DPF3: variants seen among roughly 807,000 people sequenced by gnomAD.
The protein encoded by DPF3 is double PHD fingers 3.
In DPF3, 18 loss-of-function variants were observed where a neutral mutation model predicts 56.8. The ratio of observed to expected loss-of-function variants is 0.32; its 90% CI spans 0.22 to 0.47. The LOEUF (loss-of-function observed/expected upper bound fraction) is 0.47, where lower values mean the gene tolerates loss of function less well. Ranked by LOEUF, DPF3 falls within the 20% of genes least tolerant of loss-of-function variation. The pLI, the probability that DPF3 is intolerant of heterozygous loss-of-function variation, is 1.00. For synonymous variants in DPF3, 188 were observed against 180.2 expected, an observed-to-expected ratio of 1.04 and a Z score of -0.35; for missense variants, 403 against 488.8, an observed-to-expected ratio of 0.82 and a Z score of 1.65.
intron 10 of DPF3, among the ~76,000 whole-genome samples, chr14:72,619,639 C>T (rs140030649): frequency 6.6e-4 from 100 of 152,314 alleles, no homozygotes; most frequent in Admixed American, 3.8e-3. Context: ...GAAGCTCACA[C>T]CTCCCGGTCA....
chr14:72,808,861 G>A (rs1429559640), intron 1 of DPF3, among the ~76,000 whole-genome samples: 1 of 152,192 alleles, frequency 6.6e-6, no homozygotes, highest in Non-Finnish European at 1.5e-5. Flanking sequence ...GAGTCTAGGA[G>A]CAATCCTACT....
chr14:72,657,406 T>TA (rs1886088724), intron 8 of DPF3, among the ~76,000 whole-genome samples: 1 of 152,322 alleles, frequency 6.6e-6, no homozygotes, highest in Admixed American at 6.5e-5. Context: ...ACACTTCTGG[T>TA]AAACATGGCA....
intron 1 of DPF3, among the ~76,000 whole-genome samples, chr14:72,819,954 T>A (rs1202164505): frequency 6.6e-6 from 1 of 152,046 alleles, no homozygotes; most frequent in Non-Finnish European, 1.5e-5. Flanking sequence ...AAACAAAAGG[T>A]AGATAGTGTA....
intron 3 of DPF3, among the ~76,000 whole-genome samples, chr14:72,746,492 C>T (rs1990438): frequency 0.75 from 113,557 of 152,136 alleles, 42,565 homozygotes; most frequent in Middle Eastern, 0.86. Flanking sequence ...GTGTTTTTAG[C>T]AGGCCTAGTA....
At chr14:72,773,268 G>C (rs1241523020) in intron 1 of DPF3, among the ~76,000 whole-genome samples, 1 of 151,888 alleles carries the variant, frequency 6.6e-6, no homozygotes, top group Non-Finnish European at 1.5e-5. Flanking sequence ...GAGTAGCTGG[G>C]ATTATAGGTA....
chr14:72,712,092 C>T (rs1029032422), intron 6 of DPF3, among the ~76,000 whole-genome samples: 2 of 152,028 alleles, frequency 1.3e-5, no homozygotes, highest in Admixed American at 6.5e-5. Context: ...CCTGCTCCAC[C>T]GAGAGAGGGA....
intron 1 of DPF3, among the ~76,000 whole-genome samples, chr14:72,849,071 G>T (rs1440807973): frequency 6.6e-6 from 1 of 152,190 alleles, no homozygotes; most frequent in East Asian, 1.9e-4. Context: ...TGCCCTAGCT[G>T]CATGGCTCGT....
intron 2 of DPF3, 98 bp downstream of exon 2, chr14:72,771,635 C>T: frequency 1.4e-6 from 2 of 1,478,768 alleles, no homozygotes; most frequent in Admixed American, 4.4e-5. Context: ...CCACCCCGAT[C>T]CTACCCAGGC....
intron 8 of DPF3, among the ~76,000 whole-genome samples, chr14:72,638,839 C>T (rs139080744): frequency 0.019 from 2,117 of 113,832 alleles, 56 homozygotes; most frequent in African/African-American, 0.061. Flanking sequence ...TTTTTTGAGA[C>T]GGAGTCTTGA....
At chr14:72,683,632 C>T (rs1219759611) in intron 7 of DPF3, among the ~76,000 whole-genome samples, 2 of 152,162 alleles carry the variant, frequency 1.3e-5, no homozygotes, top group Middle Eastern at 3.2e-3. Flanking sequence ...GCTCACTTGG[C>T]TCTGAACCCA....
At chr14:72,879,935 T>C (rs1740504261) in intron 1 of DPF3, 7 of 1,507,478 alleles carry the variant, frequency 4.6e-6, no homozygotes, top group African/African-American at 2.8e-5. Context: ...TTTCATAGGA[T>C]TCTTGAAAGG....
intron 1 of DPF3, among the ~76,000 whole-genome samples, chr14:72,864,122 C>A (rs1197715737): frequency 2.6e-5 from 4 of 152,010 alleles, no homozygotes; most frequent in Non-Finnish European, 5.9e-5. Context: ...TTGATCCCTC[C>A]CCTCCTTTGC....
intron 1 of DPF3, among the ~76,000 whole-genome samples, chr14:72,851,614 G>A (rs934779630): frequency 1.3e-5 from 2 of 152,108 alleles, no homozygotes; most frequent in East Asian, 3.8e-4. Flanking sequence ...GCTCCTACAC[G>A]GATAAAGCTT....
chr14:72,740,920 A>G (rs1344524078), intron 3 of DPF3, among the ~76,000 whole-genome samples: 2 of 152,156 alleles, frequency 1.3e-5, no homozygotes, highest in Non-Finnish European at 2.9e-5. Flanking sequence ...TATAAGACAG[A>G]GCTGGGCATG....
chr14:72,892,058 G>A (rs1156228838), intron 1 of DPF3: 4 of 1,445,278 alleles, frequency 2.8e-6, no homozygotes, highest in Non-Finnish European at 3.6e-6. Context: ...GAGCGAGTAG[G>A]GGAACACAAG....
chr14:72,619,279 A>T lies in DPF3; in HGVS notation c.*18T>A. ...TTTAGGATCTCCAGCAGCGAGTCAC[A>T]TTCTGTGACCTGGGGCCCTAGGCCT... On this transcript the variant is annotated 3_prime_UTR_variant, in exon 11 of 11. Transcript: ENST00000556509. 1 of 1,535,826 alleles carries T rather than the reference A, an allele frequency of 6.5e-7. No individual in the cohort carries two copies. The highest frequency in any genetic ancestry group is 8.7e-7 in the Non-Finnish European group (1 of 1,146,730).
intron 5 of DPF3, among the ~76,000 whole-genome samples, chr14:72,717,760 G>A (rs1376296418): frequency 1.3e-5 from 2 of 152,180 alleles, no homozygotes; most frequent in Non-Finnish European, 2.9e-5. Flanking sequence ...CAGTCCCAGG[G>A]CCAGCAGAAG....
intron 1 of DPF3, among the ~76,000 whole-genome samples, chr14:72,802,010 G>A (rs12889886): frequency 0.011 from 1,750 of 152,290 alleles, 20 homozygotes; most frequent in Non-Finnish European, 0.018. Flanking sequence ...TCAGAGCCAA[G>A]AAAACAAAGG....
At chr14:72,726,399 G>C (rs1160481749) in intron 4 of DPF3, among the ~76,000 whole-genome samples, 1 of 152,182 alleles carries the variant, frequency 6.6e-6, no homozygotes, top group Non-Finnish European at 1.5e-5. Context: ...CTAGTCCCCA[G>C]AGTGTCACAT....
Sources: gnomAD v4.1 joint callset for allele counts (sites outside exome capture counted in the v4.1 genomes callset) on GRCh38, gnomAD v4.1.1 for gene constraint, MANE v1.5 for transcripts, NCBI Gene and HGNC (gene_info 2026-07-23, HGNC 2026-07-21) for gene names.